The following CCDC171 variants were observed in gnomAD, a reference collection of about 807,000 sequenced individuals.
CCDC171 encodes coiled-coil domain-containing protein 171.
In CCDC171, 177 loss-of-function variants were observed where a neutral mutation model predicts 168.2. The observed-to-expected ratio is 1.05, with a 90% confidence interval of 0.93 to 1.19. CCDC171 has a LOEUF of 1.19. Ranked by LOEUF, CCDC171 falls within the 50% of genes most tolerant of loss-of-function variation. The pLI is 0.00. For missense variants in CCDC171, 1,991 were observed against 1,539.0 expected (o/e 1.29, Z -4.91); for synonymous variants, 687 against 540.8 (o/e 1.27, Z -3.75).
At chr9:16,040,738 G>A (rs377611750), upstream of CCDC171, among the ~76,000 whole-genome samples, 16 of 152,308 alleles carry the variant, frequency 1.1e-4, no homozygotes, top group African/African-American at 3.1e-4. Flanking sequence ...TGTATTTTAC[G>A]TGGTTGAAAT....
At chr9:15,978,280 T>C (rs1234893259), downstream of CCDC171, among the ~76,000 whole-genome samples, 4 of 152,224 alleles carry the variant, frequency 2.6e-5, no homozygotes, top group Non-Finnish European at 5.9e-5. Flanking sequence ...GAGATTCCTA[T>C]GAAGCAGAGT....
At chr9:15,996,119 A>G (rs1469319800) in intron 3 of CCDC171, among the ~76,000 whole-genome samples, 1 of 152,210 alleles carries the variant, frequency 6.6e-6, no homozygotes, top group Non-Finnish European at 1.5e-5. Context: ...GGTAAACATA[A>G]ATGATTCCTC....
At chr9:16,001,766 G>A (rs1832552083) in intron 3 of CCDC171, among the ~76,000 whole-genome samples, 1 of 151,826 alleles carries the variant, frequency 6.6e-6, no homozygotes. Flanking sequence ...GAAAAGTCTG[G>A]CACTAAAATT....
intron 21 of CCDC171, among the ~76,000 whole-genome samples, chr9:15,793,547 CA>C (rs1159796971): frequency 2.3e-5 from 3 of 128,620 alleles, no homozygotes; most frequent in Non-Finnish European, 4.7e-5. Context: ...GCACTTATTC[CA>C]AGGTTTTTTT....
chr9:15,983,075 T>A (rs1831855877), intron 3 of CCDC171, among the ~76,000 whole-genome samples: 1 of 152,214 alleles, frequency 6.6e-6, no homozygotes, highest in East Asian at 1.9e-4. Flanking sequence ...TTGTGTTTGC[T>A]TCTTGAAGCT....
intron 9 of CCDC171, among the ~76,000 whole-genome samples, chr9:15,677,879 CATATATATATATATATATAT>C (rs71325929): frequency 1.6e-4 from 2 of 12,480 alleles, no homozygotes; most frequent in South Asian, 3.5e-3. Flanking sequence ...GTGTGTGTGT[CATATATATATATATATATAT>C]ATATATATAT....
intron 11 of CCDC171, among the ~76,000 whole-genome samples, chr9:15,713,635 C>G (rs1360784211): frequency 6.6e-6 from 1 of 152,030 alleles, no homozygotes; most frequent in African/African-American, 2.4e-5. Flanking sequence ...AGCCCATTTT[C>G]AAAAGGAGAA....
At chr9:15,831,537 G>C (rs183536528) in intron 21 of CCDC171, among the ~76,000 whole-genome samples, 1 of 152,204 alleles carries the variant, frequency 6.6e-6, no homozygotes, top group Admixed American at 6.5e-5. Context: ...CTGTCACCTT[G>C]GAATTTACAG....
At position 15,891,399 on chromosome 9, in the gene CCDC171, T is replaced by C. The variant is rs1014289989; in HGVS notation, c.3600+16736T>C. ...GCACTAACACTACTCTTTAAGACAA[T>C]TTTTATATTGAACCCCAAAAGGTCA... On this transcript the variant is annotated intron_variant, in intron 24 of 25. Coordinates refer to ENST00000380701, the MANE Select transcript of CCDC171 (RefSeq NM_173550.4). Among the ~76,000 whole-genome samples the C allele has an allele frequency of 7.0e-4, 107 of 152,128 alleles. 1 individual carries two copies. The highest frequency in any genetic ancestry group is 2.4e-3 in the African/African-American group (99 of 41,440).
At chr9:16,044,593 T>G (rs1466028323) in intron 1 of CCDC171, among the ~76,000 whole-genome samples, 1 of 151,470 alleles carries the variant, frequency 6.6e-6, no homozygotes. Flanking sequence ...AAGTGATACA[T>G]CCTGTAACTG....
At chr9:15,556,684 G>T (rs2038828156) in intron 1 of CCDC171, among the ~76,000 whole-genome samples, 2 of 152,110 alleles carry the variant, frequency 1.3e-5, no homozygotes, top group Admixed American at 6.5e-5. Context: ...CTCCCATTCT[G>T]TAGGTTGCCT....
intron 21 of CCDC171, among the ~76,000 whole-genome samples, chr9:15,832,088 T>A (rs9407656): frequency 0.43 from 65,975 of 151,988 alleles, 14,516 homozygotes; most frequent in Non-Finnish European, 0.46. Context: ...TTCAACTCAA[T>A]CAACTTTTCC....
At chr9:15,684,049 G>C (rs967813488) in intron 10 of CCDC171, among the ~76,000 whole-genome samples, 1 of 151,982 alleles carries the variant, frequency 6.6e-6, no homozygotes, top group Non-Finnish European at 1.5e-5. Context: ...TGCTGATGGT[G>C]ATGATAACAA....
chr9:15,782,334 C>T lies in CCDC171; in HGVS notation c.3082-2175C>T, dbSNP rs1252473481. 3.3e-5 allele frequency among the ~76,000 whole-genome samples: 5 copies of T among 152,168 alleles called. No homozygotes were observed. The East Asian group carries it at 7.7e-4, about 23-fold the overall frequency. On this transcript the variant is annotated intron_variant, in intron 20 of 25. Coordinates refer to ENST00000380701, the MANE Select transcript of CCDC171 (RefSeq NM_173550.4). ...TCTCATGATCTTTGTTTATTAGCTC[C>T]TTACACTTGCTTTCACACACCATCT...
At chr9:15,649,382 G>A (rs1400070440) in intron 7 of CCDC171, among the ~76,000 whole-genome samples, 1 of 152,104 alleles carries the variant, frequency 6.6e-6, no homozygotes, top group Non-Finnish European at 1.5e-5. Flanking sequence ...GGCAACAAAA[G>A]CCAAAATTGA....
At chr9:16,103,948 G>A in the CCDC171 span, among the ~76,000 whole-genome samples, 1 of 152,270 alleles carries the variant, frequency 6.6e-6, no homozygotes, top group African/African-American at 2.4e-5. Flanking sequence ...TCAATTTACA[G>A]CTCATAAGGT....
intron 25 of CCDC171, among the ~76,000 whole-genome samples, chr9:15,948,558 G>A (rs1430320548): frequency 6.6e-6 from 1 of 151,958 alleles, no homozygotes; most frequent in Non-Finnish European, 1.5e-5. Context: ...GTTTTGATTT[G>A]CATTGCTCTG....
At chr9:15,929,803 C>G (rs1314608799) in intron 25 of CCDC171, among the ~76,000 whole-genome samples, 2 of 151,712 alleles carry the variant, frequency 1.3e-5, no homozygotes, top group Admixed American at 6.6e-5. Context: ...CATTTTCAAA[C>G]TTTTAAAGAT....
At chr9:15,689,521 G>A (rs1438527150) in intron 10 of CCDC171, among the ~76,000 whole-genome samples, 1 of 152,122 alleles carries the variant, frequency 6.6e-6, no homozygotes, top group East Asian at 1.9e-4. Flanking sequence ...GACCAGCCTG[G>A]CCAACATGGT....
Sources: gnomAD v4.1 joint callset for allele counts (sites outside exome capture counted in the v4.1 genomes callset) on GRCh38, gnomAD v4.1.1 for gene constraint, MANE v1.5 for transcripts, NCBI Gene and HGNC (gene_info 2026-07-23, HGNC 2026-07-21) for gene names.